Variants in XKR9 observed in about 807,000 individuals in gnomAD.
XKR9 encodes the protein XK related 9, also known as XK-related protein 9.
XKR9 carries 32 observed loss-of-function variants against 32.0 expected under a neutral mutation model. That is an observed-to-expected ratio of 1.00 (90% CI 0.76 to 1.34). The LOEUF (loss-of-function observed/expected upper bound fraction) is 1.34. XKR9 is among the 40% of genes most tolerant of loss of function. XKR9 has a pLI of 0.00. For missense variants in XKR9, 546 were observed against 429.7 expected (o/e 1.27, Z -2.39); for synonymous variants, 168 against 143.4 (o/e 1.17, Z -1.22).
intron 2 of XKR9, among the ~76,000 whole-genome samples, chr8:70,761,014 C>G (rs62532103): frequency 0.073 from 11,053 of 152,268 alleles, 474 homozygotes; most frequent in Non-Finnish European, 0.089. Context: ...GCCTCCAGCT[C>G]TATCCATGTT....
At chr8:70,924,747 C>T in the XKR9 span, among the ~76,000 whole-genome samples, 1 of 152,160 alleles carries the variant, frequency 6.6e-6, no homozygotes, top group Non-Finnish European at 1.5e-5. Flanking sequence ...TGCTTGAAGA[C>T]CCAGGACAAA....
intron 3 of XKR9, among the ~76,000 whole-genome samples, chr8:70,688,710 C>T (rs1030548391): frequency 7.3e-5 from 10 of 137,024 alleles, no homozygotes; most frequent in Non-Finnish European, 1.5e-4. Context: ...GCCACTGTGC[C>T]TGTCCTTTTT....
chr8:71,057,913 G>A, the XKR9 span, among the ~76,000 whole-genome samples: 2,379 of 152,236 alleles, frequency 0.016, 50 homozygotes, highest in African/African-American at 0.055. Context: ...GGCCATGCGC[G>A]GTGGCTTATG....
At chr8:71,030,554 G>A in the XKR9 span, among the ~76,000 whole-genome samples, 1 of 152,144 alleles carries the variant, frequency 6.6e-6, no homozygotes, top group Non-Finnish European at 1.5e-5. Context: ...TTAACTTGAA[G>A]CGTTTGGATT....
At chr8:70,807,591 A>G in the XKR9 span, among the ~76,000 whole-genome samples, 11 of 152,192 alleles carry the variant, frequency 7.2e-5, no homozygotes, top group African/African-American at 2.2e-4. Context: ...AATGGAAAGC[A>G]AAAAAGGCAG....
the XKR9 span, among the ~76,000 whole-genome samples, chr8:70,876,735 A>G: frequency 0.32 from 48,279 of 151,898 alleles, 8,994 homozygotes; most frequent in Non-Finnish European, 0.43. Flanking sequence ...TCACTCAGAA[A>G]CCCTGAGTTT....
At chr8:71,029,047 G>A in the XKR9 span, among the ~76,000 whole-genome samples, 1 of 152,044 alleles carries the variant, frequency 6.6e-6, no homozygotes, top group African/African-American at 2.4e-5. Context: ...ATCCCTCCAG[G>A]TCCGTTGTCT....
the XKR9 span, among the ~76,000 whole-genome samples, chr8:70,971,764 T>C: frequency 1.1e-4 from 16 of 152,126 alleles, no homozygotes; most frequent in Admixed American, 1.0e-3. Context: ...AAAAATCAGT[T>C]GGGTGTAAGT....
chr8:70,920,065 G>A, the XKR9 span, among the ~76,000 whole-genome samples: 10 of 152,190 alleles, frequency 6.6e-5, no homozygotes, highest in African/African-American at 2.4e-4. Context: ...ATCAGCAGCA[G>A]TGCATGCCTA....
At chr8:70,866,671 A>G in the XKR9 span, among the ~76,000 whole-genome samples, 1 of 151,856 alleles carries the variant, frequency 6.6e-6, no homozygotes, top group African/African-American at 2.4e-5. Flanking sequence ...TTTTTAGTAG[A>G]AACTGGGTTT....
downstream of XKR9, among the ~76,000 whole-genome samples, chr8:70,739,654 G>A (rs567276150): frequency 3.9e-5 from 6 of 152,140 alleles, no homozygotes; most frequent in African/African-American, 1.4e-4. Flanking sequence ...CTCTTTTAGG[G>A]CAAGCTTGGT....
chr8:70,878,991 A>G, the XKR9 span, among the ~76,000 whole-genome samples: 1 of 152,234 alleles, frequency 6.6e-6, no homozygotes, highest in Admixed American at 6.5e-5. Flanking sequence ...AGAACTCAGG[A>G]TTAAGAAACT....
intron 2 of XKR9, among the ~76,000 whole-genome samples, chr8:70,679,429 C>T (rs573425085): frequency 6.6e-6 from 1 of 152,276 alleles, no homozygotes; most frequent in Non-Finnish European, 1.5e-5. Flanking sequence ...TTATTCTCTC[C>T]ACATTTTAGA....
chr8:70,799,191 C>CT, the XKR9 span, among the ~76,000 whole-genome samples: 2 of 152,034 alleles, frequency 1.3e-5, no homozygotes, highest in Non-Finnish European at 2.9e-5. Flanking sequence ...GCATGGAATG[C>CT]TTTTTTCATT....
In XKR9 at chr8:70,681,414, A is replaced by C. The variant is rs1819079586; in HGVS notation, c.272+84A>C. On this transcript the variant is annotated intron_variant, in intron 3 of 4. Transcript: ENST00000408926. ...TTTTGTATCTTATCTGGGTAGTCAA[A>C]TGTACAAAGATCCCTTATTTGCATG... 15 of 1,460,744 alleles carry C rather than the reference A, an allele frequency of 1.0e-5. No individual in the cohort carries two copies. The Middle Eastern group carries it at 6.8e-4, about 66-fold the overall frequency. 90.5% of individuals were successfully genotyped at this position (1,460,744 alleles called of 1,614,324 possible).
the XKR9 span, among the ~76,000 whole-genome samples, chr8:70,809,674 A>C: frequency 6.6e-6 from 1 of 152,274 alleles, no homozygotes. Context: ...TGATTCGATC[A>C]ACTGGAAGAA....
chr8:70,741,089 A>C (rs1044901414), intron 2 of XKR9, among the ~76,000 whole-genome samples: 1 of 152,276 alleles, frequency 6.6e-6, no homozygotes, highest in Non-Finnish European at 1.5e-5. Flanking sequence ...CTACAGAGGC[A>C]GGCAGGCCTC....
the XKR9 span, among the ~76,000 whole-genome samples, chr8:70,807,732 A>G: frequency 6.6e-6 from 1 of 152,352 alleles, no homozygotes; most frequent in South Asian, 2.1e-4. Flanking sequence ...ATATATATGC[A>G]CCAAATACAG....
the XKR9 span, among the ~76,000 whole-genome samples, chr8:70,856,023 A>T: frequency 1.3e-5 from 2 of 152,230 alleles, no homozygotes; most frequent in East Asian, 1.9e-4. Context: ...CTGCAAAAAC[A>T]TTCCAAATTG....
Sources: allele counts gnomAD v4.1 joint callset (sites outside exome capture counted in the v4.1 genomes callset), GRCh38; gene constraint gnomAD v4.1.1; transcripts MANE v1.5; gene names NCBI Gene and HGNC (gene_info 2026-07-23, HGNC 2026-07-21).